Variants in N4BP2L2 observed in about 807,000 individuals in gnomAD.
N4BP2L2 encodes the protein NEDD4-binding protein 2-like 2.
A neutral mutation model predicts 56.2 loss-of-function variants in N4BP2L2; 50 were observed. The ratio of observed to expected loss-of-function variants is 0.89; its 90% CI spans 0.71 to 1.13. The LOEUF (loss-of-function observed/expected upper bound fraction) is 1.13. Ranked by LOEUF, N4BP2L2 falls within the 50% of genes most tolerant of loss-of-function variation. The probability of loss-of-function intolerance (pLI) is 0.00; values close to 1 mark genes in which losing one functional copy is unlikely to be tolerated. For missense variants in N4BP2L2, 689 were observed against 693.8 expected, an observed-to-expected ratio of 0.99 and a Z score of 0.08; for synonymous variants, 203 against 223.6, an observed-to-expected ratio of 0.91 and a Z score of 0.82.
intron 6 of N4BP2L2, among the ~76,000 whole-genome samples, chr13:32,467,261 AT>A (rs111268635): frequency 0.068 from 9,645 of 141,966 alleles, 857 homozygotes; most frequent in African/African-American, 0.21. Flanking sequence ...AGAGAGGGGC[AT>A]TTTTTTTTTT....
chr13:32,440,595 T>G (rs2076165701), intron 7 of N4BP2L2, among the ~76,000 whole-genome samples: 2 of 151,944 alleles, frequency 1.3e-5, no homozygotes, highest in Non-Finnish European at 2.9e-5. Flanking sequence ...GCCTCCTAAC[T>G]AGGTTTACAG....
intron 6 of N4BP2L2, among the ~76,000 whole-genome samples, chr13:32,479,231 A>G (rs1013618982): frequency 6.6e-6 from 1 of 152,078 alleles, no homozygotes. Context: ...AAGGAAATCT[A>G]GTTATCAATG....
exon 7 of N4BP2L2, chr13:32,443,444 A>C: frequency 1.2e-6 from 2 of 1,613,986 alleles, no homozygotes; most frequent in South Asian, 2.2e-5. Flanking sequence ...GTTGTGAAAA[A>C]AGCCCAGTGA....
Position 32,467,624 on chromosome 13 carries a change from C to A in N4BP2L2, c.366-23498G>T, listed in dbSNP as rs369488488. ...GACAAAAGAATCAAGATCCAGACAA[C>A]CACTAGGTTAGTTATAACATTAATA... On this transcript the variant is annotated intron_variant, in intron 6 of 9. Coordinates refer to the N4BP2L2 transcript ENST00000357505. 9.9e-5 allele frequency among the ~76,000 whole-genome samples: 15 copies of A among 151,526 alleles called. No homozygotes were observed. The South Asian group carries it at 2.9e-3, about 30-fold the overall frequency.
intron 3 of N4BP2L2, 78 bp downstream of exon 3, chr13:32,527,330 C>T (rs906459268): frequency 2.7e-6 from 4 of 1,503,526 alleles, no homozygotes; most frequent in African/African-American, 2.8e-5. Flanking sequence ...CTGGTAAAAA[C>T]CTAAGCTGAA....
intron 6 of N4BP2L2, among the ~76,000 whole-genome samples, chr13:32,471,780 A>G (rs973713002): frequency 3.9e-5 from 6 of 152,206 alleles, no homozygotes; most frequent in African/African-American, 1.4e-4. Context: ...CTAATGAAAG[A>G]GCTGCTGAAT....
intron 7 of N4BP2L2, among the ~76,000 whole-genome samples, chr13:32,441,277 C>G (rs2076288282): frequency 6.6e-6 from 1 of 152,208 alleles, no homozygotes; most frequent in Non-Finnish European, 1.5e-5. Flanking sequence ...TTTCAGATAT[C>G]TTTCCTTCAT....
chr13:32,502,140 T>C (rs2090130907), intron 6 of N4BP2L2, among the ~76,000 whole-genome samples: 3 of 150,784 alleles, frequency 2.0e-5, no homozygotes, highest in Middle Eastern at 3.4e-3. Flanking sequence ...CTCGGCTCAC[T>C]GCAACCTCTG....
chr13:32,532,457 T>A (rs2055101842), intron 2 of N4BP2L2, among the ~76,000 whole-genome samples: 1 of 152,136 alleles, frequency 6.6e-6, no homozygotes, highest in African/African-American at 2.4e-5. Context: ...CTTTAAATAT[T>A]TTTCCAGACT....
chr13:32,444,620 C>A (rs2076769447), intron 6 of N4BP2L2, among the ~76,000 whole-genome samples: 1 of 152,178 alleles, frequency 6.6e-6, no homozygotes, highest in Non-Finnish European at 1.5e-5. Flanking sequence ...TAATCCTATA[C>A]ATTAAAAATG....
At chr13:32,525,478 T>C (rs2052458895) in intron 3 of N4BP2L2, 1 of 152,146 alleles carries the variant, frequency 6.6e-6, no homozygotes, top group Non-Finnish European at 1.5e-5. Flanking sequence ...TCATTCAAAA[T>C]TCTACAAAGT....
intron 6 of N4BP2L2, among the ~76,000 whole-genome samples, chr13:32,453,151 T>C (rs1244765641): frequency 6.6e-6 from 1 of 152,048 alleles, no homozygotes; most frequent in Non-Finnish European, 1.5e-5. Flanking sequence ...CCCAGCTACT[T>C]GGGAGGCTGA....
At chr13:32,468,606 A>C (rs1256078106) in intron 6 of N4BP2L2, among the ~76,000 whole-genome samples, 4 of 152,370 alleles carry the variant, frequency 2.6e-5, no homozygotes, top group African/African-American at 9.6e-5. Context: ...TGTAAGGTAC[A>C]TGGATGTGCT....
chr13:32,446,647 C>T, intron 6 of N4BP2L2: 1 of 494,766 alleles, frequency 2.0e-6, no homozygotes, highest in Non-Finnish European at 2.6e-6. Context: ...CAGCTCTCTA[C>T]TGTACAAAGA....
rs563912539 is a variant in N4BP2L2 at position 32,474,793 on chromosome 13, T to C, written c.366-30667A>G. ...CTTTGATTTAAAAAAGTCACATGGC[T>C]AACAAAAAGTTAAATAAACTTAAGT... On this transcript the variant is annotated intron_variant, in intron 6 of 9. Transcript: ENST00000357505. 4.6e-5 allele frequency among the ~76,000 whole-genome samples: 7 copies of C among 152,352 alleles called. 1 individual carries two copies. In the South Asian group the frequency reaches 1.2e-3, roughly 27 times the overall value.
intron 2 of N4BP2L2, among the ~76,000 whole-genome samples, chr13:32,532,703 G>A (rs1487334887): frequency 6.7e-6 from 1 of 149,680 alleles, no homozygotes; most frequent in Non-Finnish European, 1.5e-5. Flanking sequence ...CGATTCTCCT[G>A]CCTCAGCCTC....
At chr13:32,507,172 T>C (rs1195182945), downstream of N4BP2L2, 1 of 152,126 alleles carries the variant, frequency 6.6e-6, no homozygotes, top group African/African-American at 2.4e-5. Context: ...CTTTCTAGCT[T>C]ACAGAGATAG....
Position 32,442,438 on chromosome 13 carries a change from C to G in N4BP2L2, c.2054G>C (p.Gly685Ala), listed in dbSNP as rs755645277. 4.3e-6 allele frequency: 7 copies of G among 1,610,762 alleles called. No individual in the cohort carries two copies. In the Admixed American group the frequency reaches 1.0e-4, roughly 23 times the overall value. ...AAGCTTTACTAATTGAAAGGCAAAC[C>G]CTTGTGATAATGGTAGCTCAAGGGA... Residue 685 changes from glycine to alanine, a missense_variant, in exon 7 of 10, where the codon GGG becomes GCG. By Grantham distance (60) the Gly-to-Ala change is moderately conservative. Transcript: ENST00000357505.
rs766383227 is a variant in N4BP2L2, at chr13:32,533,515, A to ATTTTT, written c.1259+2249_1259+2253dup. Reference sequence around the variant, plus strand: ...CACATACCAAACATAAGCATTACTAATTTTTTTTTTTTTTTTTTTTTTTTG... The same window carrying ATTTTT: ...CACATACCAAACATAAGCATTACTAATTTTTTTTTTTTTTTTTTTTTTTTTTTTTG... On this transcript the variant is annotated intron_variant, in intron 2 of 5. Coordinates refer to ENST00000267068, the Ensembl canonical transcript of N4BP2L2. Among the ~76,000 whole-genome samples the ATTTTT allele has an allele frequency of 6.5e-5, 8 of 122,280 alleles. 1 individual carries two copies. Among genetic ancestry groups the ATTTTT allele is most frequent in the African/African-American group, 2.0e-4 (6 of 29,940 alleles). The allele number at this position is 122,280 out of a possible 152,430, so 80.2% of individuals were successfully genotyped here.
Sources: gnomAD v4.1 joint callset for allele counts (sites outside exome capture counted in the v4.1 genomes callset) on GRCh38, gnomAD v4.1.1 for gene constraint, MANE v1.5 for transcripts, NCBI Gene and HGNC (gene_info 2026-07-23, HGNC 2026-07-21) for gene names.